The following INTS8 variants were observed in gnomAD, a reference collection of about 807,000 sequenced individuals.
INTS8 encodes integrator complex subunit 8, also known as protein kaonashi-1.
Under a neutral mutation model 138.9 loss-of-function variants are expected in INTS8, and 47 were observed. That is an observed-to-expected ratio of 0.34 (90% CI 0.27 to 0.43). INTS8 has a LOEUF of 0.43. Ranked by LOEUF, INTS8 falls within the 20% of genes least tolerant of loss-of-function variation. The probability of loss-of-function intolerance (pLI) is 1.00; values close to 1 mark genes in which losing one functional copy is unlikely to be tolerated. For synonymous variants in INTS8, 392 were observed against 400.9 expected, an observed-to-expected ratio of 0.98 and a Z score of 0.27; for missense variants, 996 against 1,173.0, an observed-to-expected ratio of 0.85 and a Z score of 2.20.
intron 6 of INTS8, among the ~76,000 whole-genome samples, chr8:94,833,214 A>T (rs1469658466): frequency 6.6e-6 from 1 of 151,912 alleles, no homozygotes; most frequent in Non-Finnish European, 1.5e-5. Context: ...CCTTTTCTGG[A>T]AAGGGGTAAA....
chr8:94,849,877 A>T (rs1815466724), intron 11 of INTS8, 39 bp from the exon 12 acceptor site: 1 of 1,464,762 alleles, frequency 6.8e-7, no homozygotes, highest in Non-Finnish European at 9.2e-7. Flanking sequence ...AAACTAAATT[A>T]TACACTTTTT....
chr8:94,848,772 TTC>T (rs1815424055), intron 10 of INTS8, among the ~76,000 whole-genome samples: 1 of 152,218 alleles, frequency 6.6e-6, no homozygotes, highest in Non-Finnish European at 1.5e-5. Flanking sequence ...ACTATGAACA[TTC>T]TATTTTGTGT....
chr8:94,863,715 T>C (rs191163292), intron 16 of INTS8, among the ~76,000 whole-genome samples: 21 of 152,348 alleles, frequency 1.4e-4, no homozygotes, highest in Non-Finnish European at 2.8e-4. Context: ...AAATTAAATT[T>C]ATGTAATAAA....
At chr8:94,828,045 G>T (rs202072483) in intron 4 of INTS8, among the ~76,000 whole-genome samples, 283 of 141,884 alleles carry the variant, frequency 2.0e-3, no homozygotes, top group African/African-American at 5.4e-3. Context: ...TTTTTTTTTT[G>T]TTTTTTTTTT....
At chr8:94,849,851 T>C in intron 11 of INTS8, 65 bp from the exon 12 acceptor site, 1 of 1,191,574 alleles carries the variant, frequency 8.4e-7, no homozygotes, top group Middle Eastern at 2.8e-4. Flanking sequence ...AATTGGTTGA[T>C]ATGATTGTTT....
chr8:94,849,803 C>A, intron 11 of INTS8, 113 bp from the exon 12 acceptor site: 1 of 712,754 alleles, frequency 1.4e-6, no homozygotes, highest in Non-Finnish European at 2.3e-6. Flanking sequence ...TATCATTATA[C>A]AGTTTATGTA....
rs1815473333 is a variant in INTS8, at chr8:94,850,020, A to C, written c.1436A>C (p.Asp479Ala). 1 of 1,613,336 alleles carries C rather than the reference A, an allele frequency of 6.2e-7. No individual in the cohort carries two copies. The highest frequency in any genetic ancestry group is 8.5e-7 in the Non-Finnish European group (1 of 1,179,490). The change falls in exon 12 of 27, where the codon GAT becomes GCT. Residue 479 changes from aspartate (D) to alanine (A), a missense_variant. By Grantham distance (126) the Asp-to-Ala change is moderately radical (BLOSUM62 -2). Coordinates refer to ENST00000523731, the MANE Select transcript of INTS8 (RefSeq NM_017864.4). ...LKDEERKLLVDQMRKRSPRVN... is the reference protein window; with the variant it reads ...LKDEERKLLVAQMRKRSPRVN... ...GATGAAGAACGAAAGCTACTTGTTG[A>C]TCAGATGAGGAAGAGATCCCCTAGA...
chr8:94,855,465 A>G (rs377255929), intron 14 of INTS8, among the ~76,000 whole-genome samples: 2 of 152,214 alleles, frequency 1.3e-5, no homozygotes, highest in African/African-American at 4.8e-5. Flanking sequence ...ATATTAGACA[A>G]TGCATCATGA....
intron 16 of INTS8, among the ~76,000 whole-genome samples, chr8:94,863,913 C>T (rs1012662245): frequency 1.4e-4 from 22 of 152,150 alleles, no homozygotes; most frequent in African/African-American, 5.3e-4. Flanking sequence ...TGTCTATTCA[C>T]CTAGTATAGG....
chr8:94,823,531 T>C lies in INTS8; in HGVS notation c.100T>C (p.Leu34=), dbSNP rs1347857191. ...TGAGTTTCTGCTGGAGGAGTCACTGTTGGAGAAACATCTGCGCAAGCCCTG... is the reference window on the plus strand; with the variant it reads ...TGAGTTTCTGCTGGAGGAGTCACTGCTGGAGAAACATCTGCGCAAGCCCTG... The part of the protein sequence containing the change: ...WFEFLLEESL[L]EKHLRKPCPD... Residue 34 remains leucine (L), a synonymous_variant, in exon 1 of 27, where the codon TTG becomes CTG. Transcript: ENST00000523731. 8 of 1,579,552 alleles carry C rather than the reference T, an allele frequency of 5.1e-6. 1 individual carries two copies. The South Asian group carries it at 9.2e-5, about 18-fold the overall frequency.
At chr8:94,842,320 T>C (rs377691672) in intron 9 of INTS8, 27 bp from the exon 10 acceptor site, 177 of 1,463,012 alleles carry the variant, frequency 1.2e-4, no homozygotes, top group Non-Finnish European at 1.5e-4. Flanking sequence ...AAAATAACAT[T>C]AGTTGATCTA....
Position 94,876,305 on chromosome 8 carries a change from T to C in INTS8, c.2827+20T>C. On this transcript the variant is annotated intron_variant, in intron 25 of 26. Coordinates refer to ENST00000523731, the MANE Select transcript of INTS8 (RefSeq NM_017864.4). ...TGACTTGTATCCTTTCATCCATGTGTGTGATGTTAGAATGATCCATTTTTA... is the reference window on the plus strand; with the variant it reads ...TGACTTGTATCCTTTCATCCATGTGCGTGATGTTAGAATGATCCATTTTTA... 1 of 1,582,598 alleles carries C rather than the reference T, an allele frequency of 6.3e-7. No individual in the cohort carries two copies. The highest frequency in any genetic ancestry group is 8.7e-7 in the Non-Finnish European group (1 of 1,152,922).
intron 11 of INTS8, 152 bp from the exon 12 acceptor site, chr8:94,849,764 A>T: frequency 1.6e-6 from 1 of 611,498 alleles, no homozygotes; most frequent in East Asian, 3.0e-5. Context: ...AATAAGGACC[A>T]AAGGGAAATT....
intron 20 of INTS8, 191 bp downstream of exon 20, chr8:94,867,528 T>C: frequency 1.1e-5 from 5 of 457,020 alleles, no homozygotes; most frequent in African/African-American, 2.1e-5. Context: ...ACCCTTTTTT[T>C]TTTTTTTTTT....
chr8:94,853,916 G>A lies in INTS8; in HGVS notation c.1752+1G>A. 6.7e-7 allele frequency: 1 copy of A among 1,502,032 alleles called. No homozygotes were observed. Among genetic ancestry groups the A allele is most frequent in the South Asian group, 1.1e-5 (1 of 88,758 alleles). 93.0% of individuals were successfully genotyped at this position (1,502,032 alleles called of 1,614,324 possible). A position where few individuals can be genotyped will look rare whatever the true frequency, so the allele number is the denominator to read the frequency against. On this transcript the variant is annotated splice_donor_variant, in intron 14 of 26. Transcript: ENST00000523731. LOFTEE classifies it high-confidence loss of function. ...AGGTTTGCACTGCAGTACTGTTAAG[G>A]TGAGTAAAAGTGTGTATCAAACACT...
At chr8:94,866,690 C>T (rs774784042) in intron 18 of INTS8, 6 of 170,110 alleles carry the variant, frequency 3.5e-5, no homozygotes, top group Non-Finnish European at 7.5e-5. Context: ...TTTACTTTAC[C>T]ATGTTTTAGT....
intron 20 of INTS8, among the ~76,000 whole-genome samples, chr8:94,871,296 G>T (rs939382442): frequency 2.1e-5 from 3 of 140,210 alleles, no homozygotes; most frequent in African/African-American, 8.1e-5. Context: ...GTGAAACCCC[G>T]TCTCTACTAA....
In INTS8 at chr8:94,878,743, A is replaced by G. The variant is rs540169644; in HGVS notation, c.2872-1375A>G. Among the ~76,000 whole-genome samples, 10 of 152,318 alleles carry G rather than the reference A, an allele frequency of 6.6e-5. No homozygotes were observed. The South Asian group carries it at 1.5e-3, about 22-fold the overall frequency. ...TCAAGCCAGCAATTTGACTTCTGCCATCACTGCTCTTACTTTTCTCTCAAG... is the reference window on the plus strand; with the variant it reads ...TCAAGCCAGCAATTTGACTTCTGCCGTCACTGCTCTTACTTTTCTCTCAAG... On this transcript the variant is annotated intron_variant, in intron 26 of 26. Transcript: ENST00000523731.
rs1242248107 is a variant in INTS8, at chr8:94,827,270, G to C, written c.313G>C (p.Val105Leu). The change falls in exon 3 of 27, where the codon GTT (valine) becomes CTT (leucine). Residue 105 changes from valine to leucine, a missense_variant. By Grantham distance (32) the Val-to-Leu change is conservative. Coordinates refer to ENST00000523731, the MANE Select transcript of INTS8 (RefSeq NM_017864.4). ...DLDILEKSLS[V>L]PVLNMLLNEL... is the part of the protein sequence containing the mutation. Reference sequence around the variant, plus strand: ...ACGTTTTGCTTCTTCAAGTTTGTCTGTTCCAGTATTGAATATGCTACTAAA... The same window carrying C: ...ACGTTTTGCTTCTTCAAGTTTGTCTCTTCCAGTATTGAATATGCTACTAAA... The C allele has an allele frequency of 2.5e-6, 4 of 1,613,232 alleles. No homozygotes were observed. The highest frequency in any genetic ancestry group is 1.6e-4 in the Middle Eastern group (1 of 6,084).
Sources: gnomAD v4.1 joint callset for allele counts (sites outside exome capture counted in the v4.1 genomes callset) on GRCh38, gnomAD v4.1.1 for gene constraint, MANE v1.5 for transcripts, NCBI Gene and HGNC (gene_info 2026-07-23, HGNC 2026-07-21) for gene names.